Variants in ABCB9 observed in about 807,000 individuals in gnomAD.
ABCB9 encodes ATP binding cassette subfamily B member 9.
In ABCB9, 36 loss-of-function variants were observed where a neutral mutation model predicts 62.0. The observed-to-expected ratio is 0.58, with a 90% confidence interval of 0.45 to 0.77. ABCB9 has a LOEUF of 0.77. Among genes scored for constraint, ABCB9 ranks in the 30% least tolerant of loss-of-function variants. The pLI is 0.00. For synonymous variants in ABCB9, 435 were observed against 461.4 expected, an observed-to-expected ratio of 0.94 and a Z score of 0.73; for missense variants, 943 against 1,054.7, an observed-to-expected ratio of 0.89 and a Z score of 1.47.
chr12:122,944,742 TG>T lies in ABCB9; in HGVS notation c.1252-224del. ...CTCCAGCTGGAGCAGGCTGTGGGCT[TG>T]GCCACAGAACAAGGCTTTCTTTGTG... On this transcript the variant is annotated intron_variant, in intron 6 of 11. Coordinates refer to ENST00000280560, the MANE Select transcript of ABCB9 (RefSeq NM_019625.4). The surrounding 1 kb of genome is among the most constrained non-coding windows in gnomAD (Gnocchi z 4.9). 1 of 537,558 alleles carries T rather than the reference TG, an allele frequency of 1.9e-6. No individual in the cohort carries two copies. Among genetic ancestry groups the T allele is most frequent in the Non-Finnish European group, 3.2e-6 (1 of 309,422 alleles). 33.3% of individuals were successfully genotyped at this position (537,558 alleles called of 1,614,324 possible).
In ABCB9 at chr12:122,960,287, G is replaced by A. The variant is rs1186821170; in HGVS notation, c.-52C>T. 1.9e-6 allele frequency: 3 copies of A among 1,573,926 alleles called. No individual in the cohort carries two copies. The highest frequency in any genetic ancestry group is 2.6e-6 in the Non-Finnish European group (3 of 1,158,620). On this transcript the variant is annotated 5_prime_UTR_variant, in exon 2 of 12. Transcript: ENST00000280560. The stretch of plus-strand genomic sequence containing the variant: ...TGAAGGCCAGGTTGTAGCTCACGGG[G>A]GCAAGGCCATCATCATCCACAGGGC...
At chr12:122,941,471 G>C (rs561916952) in intron 7 of ABCB9, among the ~76,000 whole-genome samples, 2 of 151,982 alleles carry the variant, frequency 1.3e-5, no homozygotes, top group South Asian at 4.2e-4. Flanking sequence ...ACCACGCCCA[G>C]ATAATATTTG....
upstream of ABCB9, among the ~76,000 whole-genome samples, chr12:122,968,954 T>C (rs2037240264): frequency 6.6e-6 from 1 of 152,152 alleles, no homozygotes; most frequent in South Asian, 2.1e-4. Context: ...CTGCCAAGGA[T>C]GGGCTTCTCA....
At chr12:122,945,801 C>A (rs2036006415) in intron 6 of ABCB9, among the ~76,000 whole-genome samples, 1 of 151,456 alleles carries the variant, frequency 6.6e-6, no homozygotes, top group Admixed American at 6.6e-5. Context: ...TCGCTTGAAC[C>A]CAGGAGGCGG....
intron 10 of ABCB9, among the ~76,000 whole-genome samples, chr12:122,933,563 AAAAAAAGTGAATAAT>A: frequency 6.6e-6 from 1 of 152,170 alleles, no homozygotes; most frequent in African/African-American, 2.4e-5. Flanking sequence ...CAAGAAAAAA[AAAAAAAGTGAATAAT>A]CCAGTGGCAT....
intron 1 of ABCB9, chr12:122,974,438 A>C (rs1471626909): frequency 6.6e-6 from 1 of 152,248 alleles, no homozygotes; most frequent in Non-Finnish European, 1.5e-5. Flanking sequence ...CCCTTACTGG[A>C]TGTGTGACCT....
In ABCB9 at chr12:122,932,231, A is replaced by C. The variant is rs983590588; in HGVS notation, c.2001T>G (p.Asp667Glu). ...CGGCATCCAAAGCGCTGGTGGCTTC[A>C]TCCAGGATGAGGACTGGGGGGTTCC... ...LVRNPPVLIL[D>E]EATSALDAES... The change falls in exon 11 of 12, where the codon GAT (aspartate) becomes GAG (glutamate). Residue 667 changes from aspartate to glutamate, a missense_variant. Transcript: ENST00000280560. This position sits in a 1 kb window ranked among gnomAD's most constrained non-coding sequence, Gnocchi z 4.7. 6.4e-7 allele frequency: 1 copy of C among 1,552,290 alleles called. No individual in the cohort carries two copies. Among genetic ancestry groups the C allele is most frequent in the African/African-American group, 1.4e-5 (1 of 73,108 alleles).
chr12:122,929,309 T>A lies in ABCB9; in HGVS notation c.*602A>T. On this transcript the variant is annotated 3_prime_UTR_variant, in exon 12 of 12. Transcript: ENST00000280560. This position sits in a 1 kb window ranked among gnomAD's most constrained non-coding sequence, Gnocchi z 6.0. ...CGTGTGGTTCACAGTGAGACTGGCT[T>A]AGATTGGCAGCGGGCGATGGCAGAC... 1.0e-6 allele frequency: 1 copy of A among 985,908 alleles called. No homozygotes were observed. The highest frequency in any genetic ancestry group is 1.2e-6 in the Non-Finnish European group (1 of 830,004). 61.1% of individuals were successfully genotyped at this position (985,908 alleles called of 1,614,324 possible).
At position 122,940,808 on chromosome 12, in the gene ABCB9, T is replaced by C; in HGVS notation, c.1568A>G (p.Gln523Arg). Residue 523 changes from glutamine to arginine, a missense_variant and splice_region_variant, in exon 8 of 12, where the codon CAG (glutamine) becomes CGG (arginine). Transcript: ENST00000280560. This position sits in a 1 kb window ranked among gnomAD's most constrained non-coding sequence, Gnocchi z 4.8. Reference sequence around the variant, plus strand: ...GCAGGCCTCAAGCCGCGCCCTCACCTGCAGGACCTGGGTGTGGGGCCGAGT... The same window carrying C: ...GCAGGCCTCAAGCCGCGCCCTCACCCGCAGGACCTGGGTGTGGGGCCGAGT... ...YRTRPHTQVL[Q>R]NVSFSLSPGK... 6.3e-7 allele frequency: 1 copy of C among 1,582,490 alleles called. No homozygotes were observed. The highest frequency in any genetic ancestry group is 8.6e-7 in the Non-Finnish European group (1 of 1,157,732).
chr12:122,925,475 G>A (rs2034873944), downstream of ABCB9, among the ~76,000 whole-genome samples: 1 of 152,164 alleles, frequency 6.6e-6, no homozygotes, highest in African/African-American at 2.4e-5. Context: ...TGGGCCGGGC[G>A]CGGTGGCTCA....
Position 122,944,598 on chromosome 12 carries a change from C to A in ABCB9, c.1252-79G>T. ...TCCCCATTCCCTGACCCATCCCAGG[C>A]TGCAGGGGGAGGTGAGGGCAGACCC... On this transcript the variant is annotated intron_variant, in intron 6 of 11. Coordinates refer to ENST00000280560, the MANE Select transcript of ABCB9 (RefSeq NM_019625.4). The surrounding 1 kb of genome is among the most constrained non-coding windows in gnomAD (Gnocchi z 4.9). 1 of 1,567,052 alleles carries A rather than the reference C, an allele frequency of 6.4e-7. No individual in the cohort carries two copies. The highest frequency in any genetic ancestry group is 1.3e-5 in the African/African-American group (1 of 74,184).
chr12:122,940,433 C>G lies in ABCB9; in HGVS notation c.1570-149G>C. 1.1e-6 allele frequency: 1 copy of G among 935,520 alleles called. No homozygotes were observed. Among genetic ancestry groups the G allele is most frequent in the Non-Finnish European group, 1.6e-6 (1 of 642,090 alleles). 58.0% of individuals were successfully genotyped at this position (935,520 alleles called of 1,614,324 possible). ...CACTGCTGGCCCCTAAACGTTCTTT[C>G]TAAGACACTAGGACTTGGAAGCACC... On this transcript the variant is annotated intron_variant, in intron 8 of 11. Coordinates refer to ENST00000280560, the MANE Select transcript of ABCB9 (RefSeq NM_019625.4). The surrounding 1 kb of genome is among the most constrained non-coding windows in gnomAD (Gnocchi z 4.8).
downstream of ABCB9, among the ~76,000 whole-genome samples, chr12:122,927,065 C>A (rs552784237): frequency 6.6e-6 from 1 of 152,296 alleles, no homozygotes; most frequent in Admixed American, 6.5e-5. Flanking sequence ...GACAAATGTA[C>A]CCCAGTACTG....
intron 11 of ABCB9, among the ~76,000 whole-genome samples, chr12:122,922,742 CCAGA>C (rs1266211953): frequency 4.6e-5 from 7 of 152,050 alleles, no homozygotes; most frequent in Admixed American, 2.0e-4. Flanking sequence ...TCTTCAATAC[CCAGA>C]CAAACTCCAA....
intron 1 of ABCB9, among the ~76,000 whole-genome samples, chr12:122,963,089 C>T (rs541560010): frequency 2.6e-5 from 4 of 152,234 alleles, no homozygotes; most frequent in South Asian, 2.1e-4. Context: ...CTTGAGCTCA[C>T]GAGTTCGATT....
Position 122,971,980 on chromosome 12 carries a change from G to A in ABCB9, c.-88+2735C>T, listed in dbSNP as rs188864991. 7.1e-4 allele frequency among the ~76,000 whole-genome samples: 107 copies of A among 149,908 alleles called. 1 individual carries two copies. The highest frequency in any genetic ancestry group is 2.5e-3 in the African/African-American group (102 of 40,808). ...AAAAGTGGTTAAAATGGTAAATTTC[G>A]TTATGTAGATGTTATCATAATAAAA... On this transcript the variant is annotated intron_variant, in intron 1 of 11. Coordinates refer to the ABCB9 transcript ENST00000392439.
chr12:122,953,680 C>A (rs1030150653), intron 2 of ABCB9, among the ~76,000 whole-genome samples: 1 of 152,158 alleles, frequency 6.6e-6, no homozygotes, highest in African/African-American at 2.4e-5. Flanking sequence ...GCCATCGCAC[C>A]TGGCCTAAAT....
chr12:122,931,983 A>AT, intron 11 of ABCB9: 3 of 836,052 alleles, frequency 3.6e-6, no homozygotes, highest in Non-Finnish European at 5.5e-6. Context: ...GCCCCACACC[A>AT]TACAGCTCTG....
At chr12:122,956,233 A>G (rs771469222) in intron 2 of ABCB9, among the ~76,000 whole-genome samples, 1 of 152,128 alleles carries the variant, frequency 6.6e-6, no homozygotes, top group Non-Finnish European at 1.5e-5. Context: ...AAGGTGTCTC[A>G]CCCATGTGGA....
Sources: gnomAD v4.1 joint callset for allele counts (sites outside exome capture counted in the v4.1 genomes callset) on GRCh38, gnomAD v4.1.1 for gene constraint, Gnocchi (gnomAD v3.1) non-coding constraint, MANE v1.5 for transcripts, NCBI Gene and HGNC (gene_info 2026-07-23, HGNC 2026-07-21) for gene names.